Variants in ANK2 observed in about 807,000 individuals in gnomAD.
ANK2 encodes the protein ankyrin 2, also known as ankyrin-2.
A neutral mutation model predicts 360.5 loss-of-function variants in ANK2; 83 were observed. That is an observed-to-expected ratio of 0.23 (90% CI 0.19 to 0.28). ANK2 has a LOEUF of 0.28. Among genes scored for constraint, ANK2 ranks in the 10% least tolerant of loss-of-function variants. The pLI, the probability that ANK2 is intolerant of heterozygous loss-of-function variation, is 1.00. For synonymous variants in ANK2, 1,740 were observed against 1,759.5 expected (o/e 0.99, Z 0.28); for missense variants, 4,201 against 4,795.7 (o/e 0.88, Z 3.66).
chr4:112,935,586 A>T (rs1420620933), intron 2 of ANK2, among the ~76,000 whole-genome samples: 1 of 152,212 alleles, frequency 6.6e-6, no homozygotes, highest in Non-Finnish European at 1.5e-5. Context: ...ATATAAAAAT[A>T]GGCCTAACAC....
chr4:112,755,521 G>T, the ANK2 span, among the ~76,000 whole-genome samples: 4 of 152,316 alleles, frequency 2.6e-5, no homozygotes, highest in East Asian at 7.7e-4. Context: ...GTAACGTTTT[G>T]CGGGCAGGGG....
intron 32 of ANK2, among the ~76,000 whole-genome samples, chr4:113,340,190 T>C (rs926808571): frequency 2.6e-5 from 4 of 152,174 alleles, no homozygotes; most frequent in African/African-American, 7.2e-5. Flanking sequence ...ATAAGAGATA[T>C]AGACCAGAGG....
intron 2 of ANK2, among the ~76,000 whole-genome samples, chr4:112,957,626 G>A (rs376786767): frequency 6.6e-6 from 1 of 150,840 alleles, no homozygotes; most frequent in African/African-American, 2.4e-5. Flanking sequence ...CGGACGGGGC[G>A]GCTGGCCGGG....
intron 10 of ANK2, among the ~76,000 whole-genome samples, chr4:113,251,602 C>G (rs193232993): frequency 6.6e-6 from 1 of 150,970 alleles, no homozygotes; most frequent in East Asian, 2.0e-4. Context: ...CTTGCCTCAG[C>G]CTCCCGAGTA....
At chr4:112,792,459 C>T in the ANK2 span, among the ~76,000 whole-genome samples, 5 of 152,168 alleles carry the variant, frequency 3.3e-5, no homozygotes, top group African/African-American at 7.2e-5. Flanking sequence ...TGAAAGCATT[C>T]TTACTGTACA....
chr4:113,342,936 A>C (rs1324418897), intron 33 of ANK2, 81 bp from the exon 34 acceptor site: 1 of 1,571,062 alleles, frequency 6.4e-7, no homozygotes, highest in South Asian at 1.1e-5. Context: ...TTGAAGTTCC[A>C]AGTAGTACTA....
chr4:113,014,267 A>C (rs2055768566), intron 2 of ANK2, among the ~76,000 whole-genome samples: 1 of 152,236 alleles, frequency 6.6e-6, no homozygotes, highest in African/African-American at 2.4e-5. Flanking sequence ...CTAAAAGATA[A>C]AAAAGCCAAC....
intron 2 of ANK2, among the ~76,000 whole-genome samples, chr4:112,991,615 C>CTTTTT (rs1363502696): frequency 5.0e-5 from 4 of 80,650 alleles, no homozygotes; most frequent in African/African-American, 8.2e-5. Context: ...TCTTTTCTTT[C>CTTTTT]TTTCTTTTTT....
intron 1 of ANK2, among the ~76,000 whole-genome samples, chr4:112,898,001 A>G (rs1199151112): frequency 6.6e-6 from 1 of 152,204 alleles, no homozygotes; most frequent in East Asian, 1.9e-4. Flanking sequence ...TAGATCAAAC[A>G]GGTGAGAAAA....
intron 10 of ANK2, among the ~76,000 whole-genome samples, chr4:113,254,590 T>A (rs1311176699): frequency 1.3e-5 from 2 of 152,362 alleles, no homozygotes; most frequent in African/African-American, 4.8e-5. Flanking sequence ...TCTAAACTTA[T>A]TTAATGAACT....
intron 23 of ANK2, among the ~76,000 whole-genome samples, chr4:113,309,322 A>G (rs1422877554): frequency 1.3e-5 from 2 of 152,210 alleles, no homozygotes; most frequent in Non-Finnish European, 2.9e-5. Context: ...GACATTGACT[A>G]TATACCTAGG....
chr4:113,284,605 G>C (rs1459209905), intron 18 of ANK2, among the ~76,000 whole-genome samples: 1 of 152,042 alleles, frequency 6.6e-6, no homozygotes, highest in Non-Finnish European at 1.5e-5. Context: ...GTATTTTTTA[G>C]TTGCACACTC....
chr4:113,381,052 G>A (rs965247074), intron 45 of ANK2, among the ~76,000 whole-genome samples: 13 of 152,104 alleles, frequency 8.5e-5, no homozygotes, highest in African/African-American at 3.1e-4. Context: ...ATTAAAAAAA[G>A]GTTTTTTTAG....
chr4:113,033,355 A>G (rs2060835506), intron 2 of ANK2, among the ~76,000 whole-genome samples: 1 of 151,998 alleles, frequency 6.6e-6, no homozygotes, highest in Non-Finnish European at 1.5e-5. Flanking sequence ...CGATCCAGGA[A>G]TGGGATTCTT....
At position 113,325,184 on chromosome 4, in the gene ANK2, T is replaced by A. The variant is rs114292958; in HGVS notation, c.2901-5062T>A. Reference sequence around the variant, plus strand: ...GTGTTAACATGATATTTTTTGTATGTACAGTCTTAAGTCAATGTTTAGTGC... The same window carrying A: ...GTGTTAACATGATATTTTTTGTATGAACAGTCTTAAGTCAATGTTTAGTGC... On this transcript the variant is annotated intron_variant, in intron 26 of 45. Coordinates refer to ENST00000357077, the MANE Select transcript of ANK2 (RefSeq NM_001148.6). 8.9e-3 allele frequency among the ~76,000 whole-genome samples: 1,353 copies of A among 152,344 alleles called. 13 individuals are homozygous for A. Among genetic ancestry groups the A allele is most frequent in the South Asian group, 0.03 (144 of 4,834 alleles).
intron 1 of ANK2, chr4:113,117,136 T>G (rs1217482869): frequency 2.7e-6 from 1 of 369,374 alleles, no homozygotes; most frequent in Non-Finnish European, 5.3e-6. Flanking sequence ...ATGACCTAGC[T>G]CGGGGGCGGA....
intron 2 of ANK2, among the ~76,000 whole-genome samples, chr4:113,175,480 C>G (rs1015436809): frequency 2.6e-5 from 4 of 152,090 alleles, no homozygotes; most frequent in Non-Finnish European, 5.9e-5. Flanking sequence ...CTCATCTTTC[C>G]CCCTCTCCAG....
intron 26 of ANK2, among the ~76,000 whole-genome samples, chr4:113,325,016 G>C (rs771661340): frequency 6.6e-6 from 1 of 152,188 alleles, no homozygotes; most frequent in African/African-American, 2.4e-5. Context: ...CAAGTCATCT[G>C]CATAATAATG....
chr4:112,710,599 G>A, the ANK2 span, among the ~76,000 whole-genome samples: 5 of 152,084 alleles, frequency 3.3e-5, no homozygotes, highest in East Asian at 9.7e-4. Context: ...CCGGGAGGCT[G>A]AGGCAGGAGA....
Sources: gnomAD v4.1 joint callset for allele counts (sites outside exome capture counted in the v4.1 genomes callset) on GRCh38, gnomAD v4.1.1 for gene constraint, MANE v1.5 for transcripts, NCBI Gene and HGNC (gene_info 2026-07-23, HGNC 2026-07-21) for gene names.